Variants in AKAP6 observed in about 807,000 individuals in gnomAD.
AKAP6 encodes A-kinase anchoring protein 6, also known as A-kinase anchor protein 6.
A neutral mutation model predicts 188.5 loss-of-function variants in AKAP6; 58 were observed. That is an observed-to-expected ratio of 0.31 (90% CI 0.25 to 0.38). The LOEUF (loss-of-function observed/expected upper bound fraction) is 0.38, where lower values mean the gene tolerates loss of function less well. Among genes scored for constraint, AKAP6 ranks in the 10% least tolerant of loss-of-function variants. The pLI, the probability that AKAP6 is intolerant of heterozygous loss-of-function variation, is 1.00. For synonymous variants in AKAP6, 989 were observed against 998.6 expected (o/e 0.99, Z 0.18); for missense variants, 2,710 against 2,740.0 (o/e 0.99, Z 0.24).
intron 1 of AKAP6, among the ~76,000 whole-genome samples, chr14:32,351,678 GA>G (rs1887276103): frequency 6.6e-6 from 1 of 152,042 alleles, no homozygotes; most frequent in African/African-American, 2.4e-5. Context: ...ATAGAATTAT[GA>G]AAGATGTTGC....
At chr14:32,778,877 A>G (rs912216224) in intron 12 of AKAP6, among the ~76,000 whole-genome samples, 2 of 151,410 alleles carry the variant, frequency 1.3e-5, no homozygotes, top group African/African-American at 2.4e-5. Context: ...ACAAAAAGCT[A>G]TAATGAGTAG....
chr14:32,791,647 G>A (rs1470165585), intron 12 of AKAP6, among the ~76,000 whole-genome samples: 1 of 152,064 alleles, frequency 6.6e-6, no homozygotes, highest in Non-Finnish European at 1.5e-5. Flanking sequence ...TGTCAATTTT[G>A]GCTTTTGTTG....
At chr14:32,600,157 A>G (rs978855768) in intron 6 of AKAP6, among the ~76,000 whole-genome samples, 4 of 152,244 alleles carry the variant, frequency 2.6e-5, no homozygotes, top group Non-Finnish European at 5.9e-5. Context: ...TAGGAAAAAG[A>G]CAGTATTAAT....
intron 7 of AKAP6, among the ~76,000 whole-genome samples, chr14:32,643,725 G>T (rs1347292168): frequency 6.6e-6 from 1 of 152,032 alleles, no homozygotes; most frequent in Non-Finnish European, 1.5e-5. Context: ...AAGAGTTACA[G>T]GTTTTCCTTA....
intron 1 of AKAP6, among the ~76,000 whole-genome samples, chr14:32,373,965 A>G (rs979258347): frequency 6.6e-6 from 1 of 152,226 alleles, no homozygotes; most frequent in African/African-American, 2.4e-5. Context: ...AACAGCTGAT[A>G]TACTTATCCC....
rs528189176 is a variant in AKAP6, at chr14:32,369,283, A to C, written c.-35+39875A>C. On this transcript the variant is annotated intron_variant, in intron 1 of 13. Coordinates refer to ENST00000280979, the MANE Select transcript of AKAP6 (RefSeq NM_004274.5). The stretch of plus-strand genomic sequence containing the variant: ...ACAATAGGCAAGGGACAATTAATAC[A>C]GTGTGGCACCAAAAAAACCTCCTTC... Among the ~76,000 whole-genome samples the C allele has an allele frequency of 2.0e-5, 3 of 152,340 alleles. No individual in the cohort carries two copies. In the South Asian group the frequency reaches 6.2e-4, roughly 32 times the overall value.
intron 5 of AKAP6, among the ~76,000 whole-genome samples, chr14:32,593,512 A>G (rs938394909): frequency 6.6e-5 from 10 of 152,126 alleles, no homozygotes; most frequent in Admixed American, 5.2e-4. Context: ...AATAGAAGGG[A>G]CACATCTGCC....
chr14:32,811,348 A>G (rs1835643661), intron 12 of AKAP6, among the ~76,000 whole-genome samples: 1 of 151,666 alleles, frequency 6.6e-6, no homozygotes, highest in South Asian at 2.1e-4. Flanking sequence ...TTTTCTCTGA[A>G]TGACTTGTAA....
chr14:32,824,290 T>G lies in AKAP6; in HGVS notation c.6477T>G (p.Cys2159Trp). 1.2e-6 allele frequency: 2 copies of G among 1,613,848 alleles called. No homozygotes were observed. The highest frequency in any genetic ancestry group is 8.5e-7 in the Non-Finnish European group (1 of 1,179,908). ...KEDIECFFEA[C>W]VEGDSDGEEP... ...ATATTGAATGCTTTTTTGAGGCCTG[T>G]GTTGAGGGTGACTCTGATGGAGAGG... The change falls in exon 13 of 14, where the codon TGT (cysteine) becomes TGG (tryptophan). Residue 2159 changes from cysteine (C) to tryptophan (W), a missense_variant. By Grantham distance (215) the Cys-to-Trp change is radical (BLOSUM62 -2). This residue lies in a region of AKAP6 where 2,473 missense variants were observed against 2,426.1 expected (regional missense o/e 1.02). Coordinates refer to ENST00000280979, the MANE Select transcript of AKAP6 (RefSeq NM_004274.5).
At chr14:32,785,610 T>C (rs962343566) in intron 12 of AKAP6, among the ~76,000 whole-genome samples, 6 of 152,162 alleles carry the variant, frequency 3.9e-5, no homozygotes, top group Admixed American at 1.3e-4. Context: ...CGTGTGAAGC[T>C]TAGTTGGGGA....
At chr14:32,743,997 T>C (rs2031785651) in intron 11 of AKAP6, among the ~76,000 whole-genome samples, 1 of 152,214 alleles carries the variant, frequency 6.6e-6, no homozygotes, top group African/African-American at 2.4e-5. Flanking sequence ...CTTTTGTTTG[T>C]TTGGGAAAGT....
chr14:32,648,918 A>T (rs1888093547), intron 7 of AKAP6, among the ~76,000 whole-genome samples: 1 of 152,184 alleles, frequency 6.6e-6, no homozygotes, highest in Non-Finnish European at 1.5e-5. Context: ...GCATTTTTAA[A>T]ATATAAGTTT....
chr14:32,817,047 A>T (rs1353217617), intron 12 of AKAP6, among the ~76,000 whole-genome samples: 1 of 152,134 alleles, frequency 6.6e-6, no homozygotes, highest in African/African-American at 2.4e-5. Flanking sequence ...AAGGAAATTA[A>T]AGGTATCTAG....
chr14:32,485,208 A>G (rs1879614802), intron 2 of AKAP6, among the ~76,000 whole-genome samples: 1 of 146,024 alleles, frequency 6.8e-6, no homozygotes, highest in Admixed American at 6.9e-5. Flanking sequence ...TATCCAGTCT[A>G]TCATTGATGG....
intron 2 of AKAP6, among the ~76,000 whole-genome samples, chr14:32,473,021 G>T (rs752667110): frequency 6.6e-6 from 1 of 152,108 alleles, no homozygotes; most frequent in East Asian, 1.9e-4. Context: ...TTAAAGTTGA[G>T]CCCAGAAGCT....
Position 32,598,073 on chromosome 14 carries a change from T to C in AKAP6, c.2470-1337T>C, listed in dbSNP as rs77947399. 3.9e-4 allele frequency among the ~76,000 whole-genome samples: 59 copies of C among 152,300 alleles called. 1 individual carries two copies. The East Asian group carries it at 0.011, about 29-fold the overall frequency. ...CTATTGCCCAGCACAGTGTATAGAA[T>C]GGGCACAGTACATAGTTTCTAAGTG... On this transcript the variant is annotated intron_variant, in intron 5 of 13. Coordinates refer to ENST00000280979, the MANE Select transcript of AKAP6 (RefSeq NM_004274.5).
chr14:32,758,770 G>T (rs2032436069), intron 11 of AKAP6, among the ~76,000 whole-genome samples: 1 of 152,064 alleles, frequency 6.6e-6, no homozygotes, highest in Non-Finnish European at 1.5e-5. Context: ...GATCACAGGG[G>T]CTACTATGAT....
At chr14:32,529,923 A>G (rs931997056) in intron 2 of AKAP6, among the ~76,000 whole-genome samples, 1 of 151,184 alleles carries the variant, frequency 6.6e-6, no homozygotes, top group African/African-American at 2.4e-5. Context: ...GCTTTCTGTA[A>G]TAAACACATA....
chr14:32,431,842 G>A (rs1394868405), intron 1 of AKAP6, among the ~76,000 whole-genome samples: 1 of 152,168 alleles, frequency 6.6e-6, no homozygotes, highest in East Asian at 1.9e-4. Context: ...TCAAAAGTTA[G>A]ATGCCTGAGA....
Sources: gnomAD v4.1 joint callset for allele counts (sites outside exome capture counted in the v4.1 genomes callset) on GRCh38, gnomAD v4.1.1 for gene constraint, gnomAD v4.1.1 regional missense constraint, MANE v1.5 for transcripts, NCBI Gene and HGNC (gene_info 2026-07-23, HGNC 2026-07-21) for gene names.